The following EHD1 variants were observed in gnomAD, a reference collection of about 807,000 sequenced individuals.
EHD1 encodes the protein EH domain-containing protein 1.
In EHD1, 19 loss-of-function variants were observed where a neutral mutation model predicts 39.0. The observed-to-expected ratio is 0.49, with a 90% CI of 0.34 to 0.72. The LOEUF (loss-of-function observed/expected upper bound fraction) is 0.72. EHD1 is among the 30% of genes least tolerant of loss of function. The probability of loss-of-function intolerance (pLI) is 0.01; values close to 1 mark genes in which losing one functional copy is unlikely to be tolerated. For missense variants in EHD1, 542 were observed against 751.5 expected (o/e 0.72, Z 3.26); for synonymous variants, 323 against 331.2 (o/e 0.98, Z 0.27).
intron 2 of EHD1, among the ~76,000 whole-genome samples, chr11:64,872,288 C>A (rs1943838383): frequency 6.6e-6 from 1 of 152,278 alleles, no homozygotes; most frequent in South Asian, 2.1e-4. Flanking sequence ...TGGCGAAACC[C>A]CATATCTACT....
At chr11:64,867,919 G>A (rs1427833066) in intron 2 of EHD1, among the ~76,000 whole-genome samples, 2 of 152,200 alleles carry the variant, frequency 1.3e-5, no homozygotes, top group Non-Finnish European at 2.9e-5. Context: ...ATGGCGACCC[G>A]CGTCCCACCC....
chr11:64,863,808 T>C (rs1943740488), intron 2 of EHD1, among the ~76,000 whole-genome samples: 1 of 152,258 alleles, frequency 6.6e-6, no homozygotes, highest in African/African-American at 2.4e-5. Context: ...CTGAAGTTCT[T>C]TTCCTAACTT....
intron 3 of EHD1, among the ~76,000 whole-genome samples, chr11:64,858,006 A>G (rs922443631): frequency 1.4e-5 from 2 of 147,444 alleles, no homozygotes; most frequent in Non-Finnish European, 3.0e-5. Flanking sequence ...TGGCCTGGAG[A>G]TAGGAGCTAC....
At chr11:64,878,942 C>G (rs1943924096), upstream of EHD1, 1 of 1,011,388 alleles carries the variant, frequency 9.9e-7, no homozygotes, top group Non-Finnish European at 1.2e-6. Flanking sequence ...CCTTCCGGCA[C>G]CGTGGCCCCC....
At chr11:64,873,710 G>A (rs1282768327) in intron 2 of EHD1, among the ~76,000 whole-genome samples, 2 of 150,522 alleles carry the variant, frequency 1.3e-5, no homozygotes, top group African/African-American at 2.4e-5. Context: ...ACGGAGTCTC[G>A]CTGTCGCCCA....
At chr11:64,867,144 C>A (rs768661969) in intron 2 of EHD1, among the ~76,000 whole-genome samples, 1 of 152,162 alleles carries the variant, frequency 6.6e-6, no homozygotes, top group Non-Finnish European at 1.5e-5. Context: ...TGAGGCCGGG[C>A]GCAGTGGCTC....
intron 2 of EHD1, among the ~76,000 whole-genome samples, chr11:64,865,216 C>T (rs1036041970): frequency 3.7e-4 from 57 of 152,274 alleles, no homozygotes; most frequent in African/African-American, 1.2e-3. Context: ...CGTAACTGCA[C>T]GCCCCACCAG....
intron 2 of EHD1, among the ~76,000 whole-genome samples, chr11:64,873,716 G>A (rs1268267925): frequency 2.0e-5 from 3 of 150,664 alleles, no homozygotes; most frequent in South Asian, 2.1e-4. Context: ...TCTCGCTGTC[G>A]CCCAGCCTGC....
intron 3 of EHD1, chr11:64,855,731 A>T (rs1365742847): frequency 2.0e-5 from 11 of 544,388 alleles, no homozygotes; most frequent in Admixed American, 1.9e-4. Flanking sequence ...AACGCACTTG[A>T]AACAGAAGAC....
chr11:64,854,451 AG>A lies in EHD1; in HGVS notation c.1486del (p.Leu496TrpfsTer70). 6.2e-7 allele frequency: 1 copy of A among 1,614,168 alleles called. No homozygotes were observed. Among genetic ancestry groups the A allele is most frequent in the East Asian group, 2.2e-5 (1 of 44,876 alleles). On this transcript the variant is annotated frameshift_variant, in exon 5 of 5. Coordinates refer to ENST00000320631, the MANE Select transcript of EHD1 (RefSeq NM_006795.4). LOFTEE classifies it high-confidence loss of function. The stretch of plus-strand genomic sequence containing the variant: ...GGCCAGCGCGAACTCCTCGTCGTCC[AG>A]CAGCCCGTCCTTGTCCACGTCGGCC... The part of the protein sequence containing the change: ...KLADVDKDGL[L>X]DDEEFALANH...
At chr11:64,855,135 A>G (rs1463280690) in intron 4 of EHD1, 187 bp downstream of exon 4, 2 of 1,020,278 alleles carry the variant, frequency 2.0e-6, no homozygotes, top group Non-Finnish European at 2.8e-6. Flanking sequence ...GAGTCACCAC[A>G]TTCCCCTCTG....
Position 64,878,073 on chromosome 11 carries a change from G to C in EHD1, c.392C>G (p.Ala131Gly). The change falls in exon 1 of 5, where the codon GCT (alanine) becomes GGT (glycine). Residue 131 changes from alanine to glycine, a missense_variant. By Grantham distance (60) the Ala-to-Gly change is moderately conservative. Coordinates refer to ENST00000320631, the MANE Select transcript of EHD1 (RefSeq NM_006795.4). ...PFRKLNAFGNAFLNRFMCAQL... is the reference protein window; with the variant it reads ...PFRKLNAFGNGFLNRFMCAQL... ...GATGGGTGGGTACCTGTTGAGGAAA[G>C]CGTTGCCAAACGCGTTGAGCTTGCG... The C allele has an allele frequency of 1.3e-6, 2 of 1,522,088 alleles. No individual in the cohort carries two copies. The highest frequency in any genetic ancestry group is 1.8e-6 in the Non-Finnish European group (2 of 1,138,478). The allele number at this position is 1,522,088 out of a possible 1,614,324, so 94.3% of individuals were successfully genotyped here.
At chr11:64,855,510 G>C in intron 3 of EHD1, 24 bp from the exon 4 acceptor site, 1 of 1,612,944 alleles carries the variant, frequency 6.2e-7, no homozygotes, top group Non-Finnish European at 8.5e-7. Flanking sequence ...GTGAGCATCA[G>C]GCGCTCTCTT....
intron 2 of EHD1, among the ~76,000 whole-genome samples, chr11:64,872,397 G>A (rs1943839598): frequency 6.6e-6 from 1 of 152,114 alleles, no homozygotes; most frequent in Non-Finnish European, 1.5e-5. Flanking sequence ...GGAGGAGGAG[G>A]TTGTAGTGAA....
intron 2 of EHD1, among the ~76,000 whole-genome samples, chr11:64,861,304 TAAACAGG>T (rs1943714154): frequency 6.6e-6 from 1 of 152,088 alleles, no homozygotes; most frequent in Non-Finnish European, 1.5e-5. Flanking sequence ...GCACTTGGCA[TAAACAGG>T]TGCTAATGCA....
At chr11:64,874,650 G>T in intron 1 of EHD1, 132 bp from the exon 2 acceptor site, 1 of 681,664 alleles carries the variant, frequency 1.5e-6, no homozygotes, top group African/African-American at 1.9e-5. Flanking sequence ...CTGACAGGTG[G>T]TTTTCTATCG....
chr11:64,874,302 A>AG (rs1943862223), intron 2 of EHD1, 119 bp downstream of exon 2: 1 of 80,730 alleles, frequency 1.2e-5, no homozygotes, highest in Non-Finnish European at 1.6e-5. Flanking sequence ...AGACTCCGTC[A>AG]AAAAAAAAAA....
chr11:64,872,055 G>A (rs1473924954), intron 2 of EHD1, among the ~76,000 whole-genome samples: 1 of 152,202 alleles, frequency 6.6e-6, no homozygotes, highest in Non-Finnish European at 1.5e-5. Context: ...AGAGGGAGTG[G>A]GAGGTGGGGA....
At chr11:64,867,155 A>C (rs950740742) in intron 2 of EHD1, among the ~76,000 whole-genome samples, 4 of 152,224 alleles carry the variant, frequency 2.6e-5, no homozygotes, top group Non-Finnish European at 4.4e-5. Flanking sequence ...GCAGTGGCTC[A>C]CACCTGTAAT....
Sources: gnomAD v4.1 joint callset for allele counts (sites outside exome capture counted in the v4.1 genomes callset) on GRCh38, gnomAD v4.1.1 for gene constraint, MANE v1.5 for transcripts, NCBI Gene and HGNC (gene_info 2026-07-23, HGNC 2026-07-21) for gene names.